NDUFA5: variants seen among roughly 807,000 people sequenced by gnomAD.
NDUFA5 encodes the protein NADH dehydrogenase [ubiquinone] 1 alpha subcomplex subunit 5.
A neutral mutation model predicts 19.8 loss-of-function variants in NDUFA5; 11 were observed. That is an observed-to-expected ratio of 0.56 (90% CI 0.35 to 0.92). The LOEUF (loss-of-function observed/expected upper bound fraction) is 0.92. NDUFA5 is among the 40% of genes least tolerant of loss of function. The pLI is 0.01. For missense variants in NDUFA5, 109 were observed against 134.2 expected (o/e 0.81, Z 0.93); for synonymous variants, 47 against 46.8 (o/e 1.00, Z -0.01).
intron 4 of NDUFA5, among the ~76,000 whole-genome samples, chr7:123,543,751 T>C (rs1366742689): frequency 6.6e-6 from 1 of 152,070 alleles, no homozygotes; most frequent in Non-Finnish European, 1.5e-5. Context: ...CAAAGTGAAA[T>C]CAGGTGGTAC....
At chr7:123,543,014 G>A (rs566643905) in intron 4 of NDUFA5, among the ~76,000 whole-genome samples, 7 of 152,074 alleles carry the variant, frequency 4.6e-5, no homozygotes, top group African/African-American at 1.2e-4. Context: ...CAGAATAAGC[G>A]CTCAGATTAT....
chr7:123,578,269 A>T, the NDUFA5 span, among the ~76,000 whole-genome samples: 1 of 151,062 alleles, frequency 6.6e-6, no homozygotes, highest in African/African-American at 2.4e-5. Flanking sequence ...AAATGACAAA[A>T]TTCATCTAAA....
At chr7:123,557,143 C>G in intron 2 of NDUFA5, 1 of 667,620 alleles carries the variant, frequency 1.5e-6, no homozygotes. Flanking sequence ...CTGACAGAAG[C>G]AAGCACAAGT....
the NDUFA5 span, among the ~76,000 whole-genome samples, chr7:123,580,501 C>T: frequency 6.6e-6 from 1 of 152,068 alleles, no homozygotes; most frequent in Non-Finnish European, 1.5e-5. Flanking sequence ...CTAAGCCTTA[C>T]TTCTTCCTTG....
rs1245780996 is a variant in NDUFA5 at position 123,541,335 on chromosome 7, AACTT to A, written c.*780_*783del. 6.6e-6 allele frequency: 1 copy of A among 152,216 alleles called. No homozygotes were observed. Among genetic ancestry groups the A allele is most frequent in the Non-Finnish European group, 1.5e-5 (1 of 68,024 alleles). The allele number at this position is 152,216 out of a possible 1,614,324, so 9.4% of individuals were successfully genotyped here. A position where few individuals can be genotyped will look rare whatever the true frequency, so the allele number is the denominator to read the frequency against. On this transcript the variant is annotated 3_prime_UTR_variant, in exon 5 of 5. Coordinates refer to ENST00000355749, the MANE Select transcript of NDUFA5 (RefSeq NM_005000.5). The stretch of plus-strand genomic sequence containing the variant: ...ATTAAAGGCCACGGGCCAGAAAACT[AACTT>A]CCACAAATGCAACAAAAGGAAAATT...
At chr7:123,556,818 G>GA (rs766762338) in intron 2 of NDUFA5, 4 of 497,750 alleles carry the variant, frequency 8.0e-6, no homozygotes, top group South Asian at 6.0e-5. Flanking sequence ...TGGTGAACTT[G>GA]AAAAACGCCA....
At chr7:123,561,083 A>G (rs1798681896), upstream of NDUFA5, among the ~76,000 whole-genome samples, 1 of 152,242 alleles carries the variant, frequency 6.6e-6, no homozygotes, top group Non-Finnish European at 1.5e-5. Context: ...TTTGAAGTCA[A>G]TATTGGTCAG....
rs1797822454 is a variant in NDUFA5, at chr7:123,538,575, A to G, written c.*3544T>C. ...TAGTTTTTGTTTTTGTTTTTAGTAG[A>G]GACGGGGTTTCACCATATTGGCCAG... On this transcript the variant is annotated 3_prime_UTR_variant, in exon 5 of 5. Transcript: ENST00000355749. The G allele has an allele frequency of 1.3e-5, 2 of 152,366 alleles. No homozygotes were observed. Among genetic ancestry groups the G allele is most frequent in the Middle Eastern group, 3.4e-3 (1 of 294 alleles). 9.4% of individuals were successfully genotyped at this position (152,366 alleles called of 1,614,324 possible). A position where few individuals can be genotyped will look rare whatever the true frequency, so the allele number is the denominator to read the frequency against.
At chr7:123,598,862 G>C in the NDUFA5 span, 4 of 152,158 alleles carry the variant, frequency 2.6e-5, no homozygotes, top group East Asian at 1.9e-4. Flanking sequence ...GATTCTTCCA[G>C]GGGCCTGTGA....
At chr7:123,569,785 A>G in the NDUFA5 span, among the ~76,000 whole-genome samples, 15 of 152,060 alleles carry the variant, frequency 9.9e-5, no homozygotes, top group Non-Finnish European at 1.8e-4. Context: ...CATGTAGGAA[A>G]CACTCTTGTA....
At chr7:123,595,853 T>C in the NDUFA5 span, among the ~76,000 whole-genome samples, 1 of 152,188 alleles carries the variant, frequency 6.6e-6, no homozygotes, top group African/African-American at 2.4e-5. Context: ...TCTTCAAGAC[T>C]GGAAAATTAC....
the NDUFA5 span, among the ~76,000 whole-genome samples, chr7:123,589,218 A>G: frequency 1.3e-5 from 2 of 151,630 alleles, no homozygotes; most frequent in African/African-American, 4.8e-5. Context: ...AGGTGCTCTG[A>G]TGTTGGGTGC....
In NDUFA5 at chr7:123,557,791, G is replaced by C; in HGVS notation, c.5C>G (p.Ala2Gly). The C allele has an allele frequency of 2.5e-6, 4 of 1,613,894 alleles. No individual in the cohort carries two copies. Among genetic ancestry groups the C allele is most frequent in the Non-Finnish European group, 1.7e-6 (2 of 1,179,974 alleles). ...TCGTCTCACCTTCTTCAGCACACCC[G>C]CCATGACAGCGCCAACGACTCGGTG... M[A>G]GVLKKTTGLV... Residue 2 changes from alanine to glycine, a missense_variant, in exon 1 of 5, where the codon GCG becomes GGG. Ala to Gly is a moderately conservative substitution (Grantham distance 60). Transcript: ENST00000355749.
intron 2 of NDUFA5, chr7:123,557,127 A>T (rs755969288): frequency 3.9e-5 from 25 of 648,338 alleles, no homozygotes; most frequent in Non-Finnish European, 6.5e-5. Context: ...TAAATTTGAG[A>T]TGGCGCTGAC....
chr7:123,584,397 T>C, the NDUFA5 span, among the ~76,000 whole-genome samples: 40 of 151,584 alleles, frequency 2.6e-4, no homozygotes, highest in South Asian at 1.2e-3. Context: ...GGGAGGCGGC[T>C]AGGCATCAGT....
chr7:123,578,315 A>C, the NDUFA5 span, among the ~76,000 whole-genome samples: 2 of 151,686 alleles, frequency 1.3e-5, no homozygotes, highest in Non-Finnish European at 2.9e-5. Flanking sequence ...TATGTTGCTC[A>C]AAAATTACCA....
intron 1 of NDUFA5, 56 bp downstream of exon 1, chr7:123,557,719 C>A: frequency 6.2e-7 from 1 of 1,614,068 alleles, no homozygotes; most frequent in Non-Finnish European, 8.5e-7. Flanking sequence ...GTAGGGCTAT[C>A]GGACTGAGTC....
upstream of NDUFA5, chr7:123,558,123 G>T (rs1036337598): frequency 4.1e-6 from 2 of 482,006 alleles, no homozygotes; most frequent in Non-Finnish European, 3.8e-6. Flanking sequence ...TCCAGTCGCT[G>T]TAGGAACCTG....
At chr7:123,567,981 A>G in the NDUFA5 span, among the ~76,000 whole-genome samples, 4 of 152,258 alleles carry the variant, frequency 2.6e-5, no homozygotes, top group Middle Eastern at 3.4e-3. Flanking sequence ...TATAGTATGA[A>G]CACTTCTAAA....
Sources: allele counts gnomAD v4.1 joint callset (sites outside exome capture counted in the v4.1 genomes callset), GRCh38; gene constraint gnomAD v4.1.1; transcripts MANE v1.5; gene names NCBI Gene and HGNC (gene_info 2026-07-23, HGNC 2026-07-21).